ZNF576: variants seen among roughly 807,000 people sequenced by gnomAD.
The protein encoded by ZNF576 is zinc finger protein 576.
In ZNF576, 9 loss-of-function variants were observed where a neutral mutation model predicts 10.8. The observed-to-expected ratio is 0.84, with a 90% CI of 0.50 to 1.46. The LOEUF is 1.46. Among genes scored for constraint, ZNF576 ranks in the 40% most tolerant of loss-of-function variants. The pLI is 0.00. For missense variants in ZNF576, 191 were observed against 233.7 expected, an observed-to-expected ratio of 0.82 and a Z score of 1.19; for synonymous variants, 88 against 89.6, an observed-to-expected ratio of 0.98 and a Z score of 0.10.
chr19:43,597,213 G>C lies in ZNF576; in HGVS notation c.85+20G>C, dbSNP rs773021466. On this transcript the variant is annotated intron_variant, in intron 2 of 2. Coordinates refer to ENST00000336564, the MANE Select transcript of ZNF576 (RefSeq NM_001145347.2). ...ACATCTGTGAGTACACATGGCTGGCGGGCTAGAGGAGGGTGGGGTGCAGGA... is the reference window on the plus strand; with the variant it reads ...ACATCTGTGAGTACACATGGCTGGCCGGCTAGAGGAGGGTGGGGTGCAGGA... 1 of 1,610,614 alleles carries C rather than the reference G, an allele frequency of 6.2e-7. No homozygotes were observed. Among genetic ancestry groups the C allele is most frequent in the Non-Finnish European group, 8.5e-7 (1 of 1,176,940 alleles).
intron 2 of ZNF576, among the ~76,000 whole-genome samples, chr19:43,597,718 CAT>C (rs1353128888): frequency 6.6e-6 from 1 of 152,176 alleles, no homozygotes; most frequent in Non-Finnish European, 1.5e-5. Flanking sequence ...TATTTATTCT[CAT>C]ATTATGAACC....
chr19:43,596,849 C>T (rs1973150078), intron 1 of ZNF576, 106 bp downstream of exon 1: 1 of 399,200 alleles, frequency 2.5e-6, no homozygotes, highest in African/African-American at 2.0e-5. Context: ...TGCAGCAGGT[C>T]ATAGGTCACA....
Position 43,597,158 on chromosome 19 carries a change from A to G in ZNF576, c.50A>G (p.Lys17Arg). The G allele has an allele frequency of 6.2e-7, 1 of 1,614,082 alleles. No homozygotes were observed. Among genetic ancestry groups the G allele is most frequent in the Non-Finnish European group, 8.5e-7 (1 of 1,179,982 alleles). The change falls in exon 2 of 3, where the codon AAG becomes AGG. Residue 17 changes from lysine (K) to arginine (R), a missense_variant. Lys to Arg is a conservative substitution (Grantham distance 26). Coordinates refer to ENST00000336564, the MANE Select transcript of ZNF576 (RefSeq NM_001145347.2). ...EENMKQQDSP[K>R]ERSPQSPGGN... ...AACATGAAGCAGCAGGATTCACCCA[A>G]GGAGAGAAGTCCCCAGAGCCCAGGA...
In ZNF576 at chr19:43,599,387, T is replaced by C. The variant is rs1568531097; in HGVS notation, c.*129T>C. On this transcript the variant is annotated 3_prime_UTR_variant, in exon 3 of 3. Transcript: ENST00000336564. ...CCTCCCCTGGGAAGGCAGAGGGCTC[T>C]TAATAAAGAGGACCCAGAAGATTCT... is the stretch of plus-strand genomic sequence containing the variant. 5 of 947,232 alleles carry C rather than the reference T, an allele frequency of 5.3e-6. No homozygotes were observed. The South Asian group carries it at 7.0e-5, about 13-fold the overall frequency. 58.7% of individuals were successfully genotyped at this position (947,232 alleles called of 1,614,324 possible).
rs745798019 is a variant in ZNF576 at position 43,597,077 on chromosome 19, G to A, written c.-15-17G>A. ...CAGATGAACAGCTTCACTTATGCAC[G>A]CTCCTCTCCTGACTAGAAGGGTCCC... is the stretch of plus-strand genomic sequence containing the variant. On this transcript the variant is annotated splice_polypyrimidine_tract_variant and intron_variant, in intron 1 of 2. Transcript: ENST00000336564. 5 of 1,609,378 alleles carry A rather than the reference G, an allele frequency of 3.1e-6. No individual in the cohort carries two copies. In the Admixed American group the frequency reaches 8.3e-5, roughly 27 times the overall value.
chr19:43,597,034 G>A (rs1973152862), intron 1 of ZNF576, 60 bp from the exon 2 acceptor site: 2 of 1,447,292 alleles, frequency 1.4e-6, no homozygotes, highest in African/African-American at 1.4e-5. Context: ...GACTTAGGGT[G>A]CCCTCTAAGA....
Position 43,599,391 on chromosome 19 carries a change from TAA to T in ZNF576, c.*135_*136del, listed in dbSNP as rs1973186541. 1.1e-6 allele frequency: 1 copy of T among 880,004 alleles called. No homozygotes were observed. The highest frequency in any genetic ancestry group is 1.7e-6 in the Non-Finnish European group (1 of 589,994). The allele number at this position is 880,004 out of a possible 1,614,324, so 54.5% of individuals were successfully genotyped here. A position where few individuals can be genotyped will look rare whatever the true frequency, so the allele number is the denominator to read the frequency against. ...CCCTGGGAAGGCAGAGGGCTCTTAA[TAA>T]AGAGGACCCAGAAGATTCTTATTTA... On this transcript the variant is annotated 3_prime_UTR_variant, in exon 3 of 3. Transcript: ENST00000336564.
chr19:43,597,108 C>G lies in ZNF576; in HGVS notation c.-1C>G, dbSNP rs1359214632. Reference sequence around the variant, plus strand: ...CTCCTGACTAGAAGGGTCCCAGCACCATGGAGGACCCGAACCCTGAAGAGA... The same window carrying G: ...CTCCTGACTAGAAGGGTCCCAGCACGATGGAGGACCCGAACCCTGAAGAGA... On this transcript the variant is annotated 5_prime_UTR_variant, in exon 2 of 3. Coordinates refer to ENST00000336564, the MANE Select transcript of ZNF576 (RefSeq NM_001145347.2). 8.1e-6 allele frequency: 13 copies of G among 1,614,022 alleles called. No homozygotes were observed. Among genetic ancestry groups the G allele is most frequent in the Non-Finnish European group, 1.1e-5 (13 of 1,179,956 alleles).
intron 2 of ZNF576, among the ~76,000 whole-genome samples, chr19:43,598,388 C>G (rs1446022611): frequency 6.6e-6 from 1 of 152,198 alleles, no homozygotes; most frequent in Non-Finnish European, 1.5e-5. Context: ...TTGCAAATGA[C>G]TGTACAGCAA....
At position 43,599,262 on chromosome 19, in the gene ZNF576, CAGCTTA is replaced by C; in HGVS notation, c.*8_*13del. 3.1e-6 allele frequency: 5 copies of C among 1,607,622 alleles called. No homozygotes were observed. Among genetic ancestry groups the C allele is most frequent in the Non-Finnish European group, 4.3e-6 (5 of 1,175,108 alleles). ...GCATGCCCGGGGGGAGCTCTGAGTG[CAGCTTA>C]AGCCTCTCCACGGTGACGGGTGGCT... On this transcript the variant is annotated 3_prime_UTR_variant, in exon 3 of 3. Coordinates refer to ENST00000336564, the MANE Select transcript of ZNF576 (RefSeq NM_001145347.2).
At chr19:43,597,454 T>C (rs1420650951) in intron 2 of ZNF576, 2 of 383,698 alleles carry the variant, frequency 5.2e-6, no homozygotes, top group Middle Eastern at 8.0e-4. Flanking sequence ...AGGAGAGGCT[T>C]GGGTTGGAGA....
Position 43,599,199 on chromosome 19 carries a change from T to C in ZNF576, c.454T>C (p.Phe152Leu). 1 of 1,614,234 alleles carries C rather than the reference T, an allele frequency of 6.2e-7. No individual in the cohort carries two copies. The part of the protein sequence containing the change: ...TFACTECGQD[F>L]AQEAGLHQHY... ...CGCCTGCACAGAGTGCGGTCAGGAC[T>C]TTGCTCAGGAAGCAGGGCTGCATCA... The change falls in exon 3 of 3, where the codon TTT becomes CTT. Residue 152 changes from phenylalanine (F) to leucine (L), a missense_variant. Physicochemically the swap from Phe to Leu is conservative, Grantham distance 22. Transcript: ENST00000336564.
At position 43,599,433 on chromosome 19, in the gene ZNF576, G is replaced by A. The variant is rs1234940756; in HGVS notation, c.*175G>A. 1.3e-5 allele frequency: 8 copies of A among 628,558 alleles called. No homozygotes were observed. The highest frequency in any genetic ancestry group is 4.2e-5 in the South Asian group (2 of 47,594). 38.9% of individuals were successfully genotyped at this position (628,558 alleles called of 1,614,324 possible). On this transcript the variant is annotated 3_prime_UTR_variant, in exon 3 of 3. Transcript: ENST00000336564. ...ATTCTTATTTAGAGCTTCAGTCTTT[G>A]GAGCACACAGGGCCTTCGTGAGACA...
In ZNF576 at chr19:43,599,332, G is replaced by A. The variant is rs1236410810; in HGVS notation, c.*74G>A. The A allele has an allele frequency of 1.4e-6, 2 of 1,461,508 alleles. No homozygotes were observed. The highest frequency in any genetic ancestry group is 2.1e-5 in the Admixed American group (1 of 47,592). 90.5% of individuals were successfully genotyped at this position (1,461,508 alleles called of 1,614,324 possible). On this transcript the variant is annotated 3_prime_UTR_variant, in exon 3 of 3. Transcript: ENST00000336564. ...GACTCACCCATGATATGGGGTGCAG[G>A]AACTCTGGGGGCCCTGAAGGATTTG...
rs777781219 is a variant in ZNF576 at position 43,599,146 on chromosome 19, A to G, written c.401A>G (p.His134Arg). The G allele has an allele frequency of 3.1e-5, 50 of 1,614,130 alleles. No individual in the cohort carries two copies. The highest frequency in any genetic ancestry group is 3.8e-5 in the Non-Finnish European group (45 of 1,180,056). ...AVSLRRHRQM[H>R]EVRAPPGTFA... ...TCTCTGAGGCGGCACCGCCAGATGC[A>G]TGAGGTCCGTGCCCCTCCTGGCACC... The change falls in exon 3 of 3, where the codon CAT becomes CGT. Residue 134 changes from histidine (H) to arginine (R), a missense_variant. By Grantham distance (29) the His-to-Arg change is conservative. Transcript: ENST00000336564.
intron 2 of ZNF576, among the ~76,000 whole-genome samples, chr19:43,598,254 C>T (rs1343608505): frequency 6.6e-6 from 1 of 152,162 alleles, no homozygotes; most frequent in African/African-American, 2.4e-5. Flanking sequence ...TTAGTCACAG[C>T]GTGGCCTTGT....
rs1257616160 is a variant in ZNF576 at position 43,599,450 on chromosome 19, C to T, written c.*192C>T. Reference sequence around the variant, plus strand: ...CAGTCTTTGGAGCACACAGGGCCTTCGTGAGACAGTGAAATCAGATAATAA... The same window carrying T: ...CAGTCTTTGGAGCACACAGGGCCTTTGTGAGACAGTGAAATCAGATAATAA... On this transcript the variant is annotated 3_prime_UTR_variant, in exon 3 of 3. Transcript: ENST00000336564. 3 of 555,908 alleles carry T rather than the reference C, an allele frequency of 5.4e-6. No individual in the cohort carries two copies. The highest frequency in any genetic ancestry group is 6.0e-5 in the East Asian group (2 of 33,372). The allele number at this position is 555,908 out of a possible 1,614,324, so 34.4% of individuals were successfully genotyped here.
In ZNF576 at chr19:43,600,382, G is replaced by A. The variant is rs1973196815; in HGVS notation, c.*1124G>A. ...TATAATACTTATAGACTCTGTTTAT[G>A]TTGAGGGATGTTTTTAAAGCCCACA... On this transcript the variant is annotated 3_prime_UTR_variant, in exon 3 of 3. Transcript: ENST00000336564. The A allele has an allele frequency of 6.6e-6, 1 of 152,238 alleles. No individual in the cohort carries two copies. Among genetic ancestry groups the A allele is most frequent in the East Asian group, 1.9e-4 (1 of 5,204 alleles). 9.4% of individuals were successfully genotyped at this position (152,238 alleles called of 1,614,324 possible).
intron 2 of ZNF576, among the ~76,000 whole-genome samples, chr19:43,598,530 G>C (rs571038170): frequency 6.6e-6 from 1 of 152,152 alleles, no homozygotes; most frequent in Non-Finnish European, 1.5e-5. Context: ...GGCTCCAAAG[G>C]CTGTGCTGTA....
Sources: gnomAD v4.1 joint callset for allele counts (sites outside exome capture counted in the v4.1 genomes callset) on GRCh38, gnomAD v4.1.1 for gene constraint, MANE v1.5 for transcripts, NCBI Gene and HGNC (gene_info 2026-07-23, HGNC 2026-07-21) for gene names.